Variants in MGAT4C observed in about 807,000 individuals in gnomAD.
MGAT4C encodes MGAT4 family member C.
Under a neutral mutation model 40.1 loss-of-function variants are expected in MGAT4C, and 19 were observed. The observed-to-expected ratio is 0.47, with a 90% CI of 0.33 to 0.70. The LOEUF (loss-of-function observed/expected upper bound fraction) is 0.70. Ranked by LOEUF, MGAT4C falls within the 30% of genes least tolerant of loss-of-function variation. MGAT4C has a pLI of 0.02. For missense variants in MGAT4C, 491 were observed against 563.2 expected (o/e 0.87, Z 1.30); for synonymous variants, 181 against 187.1 (o/e 0.97, Z 0.27).
intron 3 of MGAT4C, among the ~76,000 whole-genome samples, chr12:86,366,237 A>G (rs903332427): frequency 1.3e-5 from 2 of 152,148 alleles, no homozygotes; most frequent in African/African-American, 4.8e-5. Flanking sequence ...TTGTACATTG[A>G]TTTTGCATCC....
chr12:86,469,179 T>A (rs564540050), intron 2 of MGAT4C, among the ~76,000 whole-genome samples: 1 of 152,236 alleles, frequency 6.6e-6, no homozygotes, highest in Non-Finnish European at 1.5e-5. Context: ...TATTTTTAAA[T>A]ATATTATATC....
intron 1 of MGAT4C, among the ~76,000 whole-genome samples, chr12:86,230,646 A>G (rs966734009): frequency 2.0e-5 from 3 of 152,056 alleles, no homozygotes; most frequent in African/African-American, 4.8e-5. Flanking sequence ...TGCCAGTCTG[A>G]TCAGGAAAAG....
chr12:86,482,774 A>G (rs1242341539), intron 2 of MGAT4C, among the ~76,000 whole-genome samples: 2 of 152,196 alleles, frequency 1.3e-5, no homozygotes, highest in Non-Finnish European at 2.9e-5. Context: ...AATTATAGTC[A>G]TATATGATAC....
chr12:86,456,220 G>A (rs900992028), intron 2 of MGAT4C, among the ~76,000 whole-genome samples: 2 of 152,020 alleles, frequency 1.3e-5, no homozygotes, highest in Non-Finnish European at 2.9e-5. Context: ...AATATCTATT[G>A]TTTTTAACAT....
At chr12:86,679,021 G>T (rs1949926439) in intron 2 of MGAT4C, among the ~76,000 whole-genome samples, 1 of 152,032 alleles carries the variant, frequency 6.6e-6, no homozygotes, top group Non-Finnish European at 1.5e-5. Context: ...TTCCACAATG[G>T]TTGAACTAGT....
At chr12:86,777,614 G>C (rs554048305) in intron 1 of MGAT4C, among the ~76,000 whole-genome samples, 1 of 152,104 alleles carries the variant, frequency 6.6e-6, no homozygotes, top group African/African-American at 2.4e-5. Flanking sequence ...CTTATTCAAG[G>C]GTGTTAGTTT....
chr12:86,766,539 C>G (rs1951511596), intron 1 of MGAT4C, among the ~76,000 whole-genome samples: 1 of 151,950 alleles, frequency 6.6e-6, no homozygotes, highest in African/African-American at 2.4e-5. Context: ...CTACAGAACT[C>G]TCCACCCCAA....
chr12:86,720,863 T>C (rs371004552), intron 2 of MGAT4C, among the ~76,000 whole-genome samples: 1 of 152,146 alleles, frequency 6.6e-6, no homozygotes, highest in Non-Finnish European at 1.5e-5. Flanking sequence ...CTCACTCACA[T>C]CAAAGATACA....
chr12:86,043,068 A>G (rs575105269), intron 2 of MGAT4C, among the ~76,000 whole-genome samples: 2 of 152,178 alleles, frequency 1.3e-5, no homozygotes, highest in South Asian at 4.1e-4. Context: ...TGGTCATCTT[A>G]TGTAGTATCT....
chr12:86,457,806 G>T (rs1957533996), intron 2 of MGAT4C, among the ~76,000 whole-genome samples: 1 of 151,952 alleles, frequency 6.6e-6, no homozygotes. Context: ...TGCTTTAGTA[G>T]AACCTTGTTA....
chr12:86,124,975 G>C lies in MGAT4C; in HGVS notation c.-56-75252C>G, dbSNP rs545756206. 2.0e-5 allele frequency among the ~76,000 whole-genome samples: 3 copies of C among 152,198 alleles called. No homozygotes were observed. The East Asian group carries it at 5.8e-4, about 29-fold the overall frequency. ...CTACATACTTGAAGGAATATAGGAC[G>C]CTACAAAAGTGAGTGGAAATGTGAC... On this transcript the variant is annotated intron_variant, in intron 1 of 4. Coordinates refer to ENST00000611864, the MANE Select transcript of MGAT4C (RefSeq NM_001351288.2).
At chr12:86,316,113 A>G (rs1954220952) in intron 4 of MGAT4C, among the ~76,000 whole-genome samples, 1 of 150,212 alleles carries the variant, frequency 6.7e-6, no homozygotes, top group Non-Finnish European at 1.5e-5. Context: ...AAAAATGGAA[A>G]AACGATCCAC....
chr12:86,388,340 T>G (rs191429323), intron 3 of MGAT4C, among the ~76,000 whole-genome samples: 1 of 152,120 alleles, frequency 6.6e-6, no homozygotes, highest in African/African-American at 2.4e-5. Context: ...GGAAAGGAAA[T>G]GCATTATAAT....
chr12:85,979,287 G>T lies in MGAT4C; in HGVS notation c.*2C>A. The T allele has an allele frequency of 6.3e-7, 1 of 1,577,682 alleles. No homozygotes were observed. The highest frequency in any genetic ancestry group is 1.2e-5 in the South Asian group (1 of 85,068). On this transcript the variant is annotated 3_prime_UTR_variant, in exon 5 of 5. Coordinates refer to ENST00000611864, the MANE Select transcript of MGAT4C (RefSeq NM_001351288.2). ...AGAAACTGAACATACTGATTTAATT[G>T]GCTAAGAAGTCCAAATGCTAATACT...
chr12:86,485,698 T>A (rs1406309787), intron 2 of MGAT4C, among the ~76,000 whole-genome samples: 1 of 152,048 alleles, frequency 6.6e-6, no homozygotes, highest in East Asian at 1.9e-4. Flanking sequence ...TCTAGAGAAG[T>A]TGACACGCAA....
chr12:86,336,169 CT>C (rs546938551), intron 3 of MGAT4C, among the ~76,000 whole-genome samples: 1 of 152,012 alleles, frequency 6.6e-6, no homozygotes. Context: ...TGCATTGTTA[CT>C]TTTTTTGTTT....
At chr12:86,553,155 T>C (rs1959448315) in intron 2 of MGAT4C, among the ~76,000 whole-genome samples, 1 of 152,154 alleles carries the variant, frequency 6.6e-6, no homozygotes, top group Non-Finnish European at 1.5e-5. Flanking sequence ...TTATATCTAA[T>C]ACATGGCAAT....
At chr12:86,609,251 C>T (rs1167307190) in intron 2 of MGAT4C, among the ~76,000 whole-genome samples, 1 of 151,996 alleles carries the variant, frequency 6.6e-6, no homozygotes, top group Non-Finnish European at 1.5e-5. Context: ...ACCAAATTGA[C>T]TCAGAATAAG....
intron 2 of MGAT4C, among the ~76,000 whole-genome samples, chr12:86,468,619 C>A (rs1268766667): frequency 6.6e-6 from 1 of 152,020 alleles, no homozygotes; most frequent in African/African-American, 2.4e-5. Context: ...TTTTAAATAG[C>A]CTATAAAGCC....
Sources: gnomAD v4.1 joint callset for allele counts (sites outside exome capture counted in the v4.1 genomes callset) on GRCh38, gnomAD v4.1.1 for gene constraint, MANE v1.5 for transcripts, NCBI Gene and HGNC (gene_info 2026-07-23, HGNC 2026-07-21) for gene names.